The following SLC35G1 variants were observed in gnomAD, a reference collection of about 807,000 sequenced individuals.
SLC35G1 encodes the protein partner of STIM1.
Under a neutral mutation model 17.1 loss-of-function variants are expected in SLC35G1, and 10 were observed. The observed-to-expected ratio is 0.59, with a 90% confidence interval of 0.36 to 0.99. The LOEUF is 0.99. Among genes scored for constraint, SLC35G1 ranks in the 50% least tolerant of loss-of-function variants. The pLI is 0.01. For missense variants in SLC35G1, 433 were observed against 468.4 expected, an observed-to-expected ratio of 0.92 and a Z score of 0.70; for synonymous variants, 185 against 181.1, an observed-to-expected ratio of 1.02 and a Z score of -0.18.
At chr10:93,904,655 C>G (rs1274260351), downstream of SLC35G1, among the ~76,000 whole-genome samples, 1 of 152,186 alleles carries the variant, frequency 6.6e-6, no homozygotes, top group Non-Finnish European at 1.5e-5. Flanking sequence ...GGGTAAAGCA[C>G]TGGATTGGGA....
downstream of SLC35G1, among the ~76,000 whole-genome samples, chr10:93,904,792 A>T (rs2060418016): frequency 6.6e-6 from 1 of 152,200 alleles, no homozygotes; most frequent in Admixed American, 6.5e-5. Flanking sequence ...ATAGACTATT[A>T]AGAAGGATGA....
rs750438238 is a variant in SLC35G1, at chr10:93,900,919, T to C, written c.527T>C (p.Ile176Thr). The change falls in exon 3 of 3, where the codon ATA (isoleucine) becomes ACA (threonine). Residue 176 changes from isoleucine to threonine, a missense_variant. Transcript: ENST00000427197. ...SPVFTSIFAW[I>T]CLKEKYSPWD... Reference sequence around the variant, plus strand: ...GTGTTTACGTCCATATTTGCTTGGATATGTCTCAAGGAAAAATATAGCCCT... The same window carrying C: ...GTGTTTACGTCCATATTTGCTTGGACATGTCTCAAGGAAAAATATAGCCCT... 1 of 1,614,074 alleles carries C rather than the reference T, an allele frequency of 6.2e-7. No individual in the cohort carries two copies.
downstream of SLC35G1, chr10:93,906,237 C>T (rs777840362): frequency 1.6e-4 from 24 of 152,138 alleles, no homozygotes; most frequent in Non-Finnish European, 3.1e-4. Flanking sequence ...TCTGATATTC[C>T]CCCTGGGAAA....
Position 93,901,484 on chromosome 10 carries a change from C to T in SLC35G1, c.1092C>T (p.Ser364=), listed in dbSNP as rs2134069906. ...GAAIRKWYQS[S]K ...CCATTCGTAAATGGTACCAAAGTTCCAAATGAAGCATCATTGCTGAAATAC... is the reference window on the plus strand; with the variant it reads ...CCATTCGTAAATGGTACCAAAGTTCTAAATGAAGCATCATTGCTGAAATAC... Residue 364 remains serine (S), a synonymous_variant, in exon 3 of 3, where the codon TCC becomes TCT. Coordinates refer to ENST00000427197, the MANE Select transcript of SLC35G1 (RefSeq NM_001134658.3). The T allele has an allele frequency of 6.3e-7, 1 of 1,584,710 alleles. No homozygotes were observed. The highest frequency in any genetic ancestry group is 8.6e-7 in the Non-Finnish European group (1 of 1,166,902).
intron 2 of SLC35G1, 117 bp downstream of exon 2, chr10:93,898,868 C>A: frequency 1.0e-6 from 1 of 1,001,892 alleles, no homozygotes; most frequent in Non-Finnish European, 1.4e-6. Context: ...GTTCCTATGC[C>A]CCTTGGCTCT....
rs747896705 is a variant in SLC35G1, at chr10:93,898,708, G to A, written c.316G>A (p.Val106Met). 1.2e-6 allele frequency: 2 copies of A among 1,611,886 alleles called. No homozygotes were observed. Among genetic ancestry groups the A allele is most frequent in the Non-Finnish European group, 1.7e-6 (2 of 1,179,372 alleles). The change falls in exon 2 of 3, where the codon GTG (valine) becomes ATG (methionine). Residue 106 changes from valine (V) to methionine (M), a missense_variant. Transcript: ENST00000427197. ...HAVEISAFRC[V>M]FQMLVVIPCL... ...TGTAGAGATTAGTGCGTTTCGATGT[G>A]TGTTCCAAATGCTAGTTGTTATCCC... is the stretch of plus-strand genomic sequence containing the variant.
At chr10:93,898,203 G>T (rs2134066347) in intron 1 of SLC35G1, among the ~76,000 whole-genome samples, 1 of 152,294 alleles carries the variant, frequency 6.6e-6, no homozygotes, top group Non-Finnish European at 1.5e-5. Flanking sequence ...GTGAGGTGTG[G>T]CGTAAGATAT....
intron 2 of SLC35G1, among the ~76,000 whole-genome samples, chr10:93,899,552 CTT>C (rs1395064571): frequency 6.6e-6 from 1 of 152,116 alleles, no homozygotes; most frequent in East Asian, 1.9e-4. Context: ...CTCTTTGTCT[CTT>C]TGGGCAAAAA....
In SLC35G1 at chr10:93,903,779, TA is replaced by T. The variant is rs1402353631; in HGVS notation, c.*2292del. 1 of 152,246 alleles carries T rather than the reference TA, an allele frequency of 6.6e-6. No individual in the cohort carries two copies. Among genetic ancestry groups the T allele is most frequent in the African/African-American group, 2.4e-5 (1 of 41,474 alleles). 9.4% of individuals were successfully genotyped at this position (152,246 alleles called of 1,614,324 possible). A position where few individuals can be genotyped will look rare whatever the true frequency, so the allele number is the denominator to read the frequency against. On this transcript the variant is annotated 3_prime_UTR_variant, in exon 3 of 3. Transcript: ENST00000427197. ...TATCTTGAAAAGGAAAATATTTTCA[TA>T]AATTGTTTTTATAAGTACTAATAAA...
chr10:93,908,370 G>A (rs973296020), downstream of SLC35G1: 4 of 152,168 alleles, frequency 2.6e-5, no homozygotes, highest in Non-Finnish European at 5.9e-5. Flanking sequence ...TAAATGATGA[G>A]GTTGGGCCAT....
intron 1 of SLC35G1, among the ~76,000 whole-genome samples, chr10:93,897,684 C>T (rs1189951117): frequency 6.6e-6 from 1 of 152,196 alleles, no homozygotes; most frequent in Non-Finnish European, 1.5e-5. Flanking sequence ...AGTGGCTAAA[C>T]AAGTTTAAAG....
Position 93,900,945 on chromosome 10 carries a change from T to A in SLC35G1, c.553T>A (p.Trp185Arg). 6.2e-7 allele frequency: 1 copy of A among 1,614,078 alleles called. No individual in the cohort carries two copies. Among genetic ancestry groups the A allele is most frequent in the Non-Finnish European group, 8.5e-7 (1 of 1,179,972 alleles). Residue 185 changes from tryptophan to arginine, a missense_variant, in exon 3 of 3, where the codon TGG (tryptophan) becomes AGG (arginine). Physicochemically the swap from Trp to Arg is moderately radical, Grantham distance 101. Coordinates refer to ENST00000427197, the MANE Select transcript of SLC35G1 (RefSeq NM_001134658.3). ...ATGTCTCAAGGAAAAATATAGCCCT[T>A]GGGATGCTCTTTTCACCGTGTTCAC... ...WICLKEKYSP[W>R]DALFTVFTIT...
At chr10:93,900,658 T>G in intron 2 of SLC35G1, 94 bp from the exon 3 acceptor site, 2 of 1,028,138 alleles carry the variant, frequency 1.9e-6, no homozygotes, top group South Asian at 2.1e-5. Flanking sequence ...TTTTTTGATA[T>G]TTAGTACTTT....
At chr10:93,905,727 C>T (rs913443911), downstream of SLC35G1, among the ~76,000 whole-genome samples, 6 of 152,162 alleles carry the variant, frequency 3.9e-5, no homozygotes, top group South Asian at 1.0e-3. Flanking sequence ...GCCTGGGTCT[C>T]TTCCACTAAA....
rs1160423346 is a variant in SLC35G1, at chr10:93,903,317, T to C, written c.*1827T>C. 1 of 152,178 alleles carries C rather than the reference T, an allele frequency of 6.6e-6. No homozygotes were observed. The highest frequency in any genetic ancestry group is 2.4e-5 in the African/African-American group (1 of 41,446). The allele number at this position is 152,178 out of a possible 1,614,324, so 9.4% of individuals were successfully genotyped here. The stretch of plus-strand genomic sequence containing the variant: ...CAGAATCAGGAGCATTTGAGAACTC[T>C]AGAGGTCTCAGAAATCATCACATAG... On this transcript the variant is annotated 3_prime_UTR_variant, in exon 3 of 3. Transcript: ENST00000427197.
At chr10:93,898,531 A>G (rs1188082035) in intron 1 of SLC35G1, 40 bp from the exon 2 acceptor site, 2 of 1,571,632 alleles carry the variant, frequency 1.3e-6, no homozygotes, top group Non-Finnish European at 1.7e-6. Context: ...TAACACATAC[A>G]CTTGGAAGCA....
At chr10:93,894,360 G>T in intron 1 of SLC35G1, 149 bp downstream of exon 1, 1 of 783,862 alleles carries the variant, frequency 1.3e-6, no homozygotes, top group Non-Finnish European at 1.8e-6. Context: ...CGAGCTGTCA[G>T]CTGGGGGGCT....
intron 1 of SLC35G1, among the ~76,000 whole-genome samples, chr10:93,894,933 G>A (rs532568993): frequency 4.6e-5 from 7 of 152,288 alleles, no homozygotes; most frequent in African/African-American, 1.4e-4. Context: ...TGTGGAACGT[G>A]GGGGTGAGAT....
downstream of SLC35G1, among the ~76,000 whole-genome samples, chr10:93,905,094 T>C (rs1000470021): frequency 6.6e-6 from 1 of 152,170 alleles, no homozygotes; most frequent in African/African-American, 2.4e-5. Flanking sequence ...TCTGATCTTA[T>C]ATGGGTATTA....
Sources: allele counts gnomAD v4.1 joint callset (sites outside exome capture counted in the v4.1 genomes callset), GRCh38; gene constraint gnomAD v4.1.1; transcripts MANE v1.5; gene names NCBI Gene and HGNC (gene_info 2026-07-23, HGNC 2026-07-21).